The following IQCC variants were observed in gnomAD, a reference collection of about 807,000 sequenced individuals.
IQCC encodes IQ motif containing C.
Under a neutral mutation model 27.0 loss-of-function variants are expected in IQCC, and 23 were observed. The ratio of observed to expected loss-of-function variants is 0.85; its 90% CI spans 0.61 to 1.21. The LOEUF is 1.21. IQCC is among the 50% of genes most tolerant of loss of function. The pLI, the probability that IQCC is intolerant of heterozygous loss-of-function variation, is 0.00. For synonymous variants in IQCC, 220 were observed against 217.2 expected (o/e 1.01, Z -0.11); for missense variants, 552 against 562.3 (o/e 0.98, Z 0.19).
Position 32,206,220 on chromosome 1 carries a change from G to T in IQCC, c.109G>T (p.Val37Leu), listed in dbSNP as rs1375234665. Residue 37 changes from valine to leucine, a missense_variant, in exon 2 of 5, where the codon GTA (valine) becomes TTA (leucine). By Grantham distance (32) the Val-to-Leu change is conservative. Coordinates refer to ENST00000291358, the MANE Select transcript of IQCC (RefSeq NM_018134.3). ...QSLRAEYEAI[V>L]REVEGDLGTL... ...CCTGCGAGCTGAGTATGAGGCGATT[G>T]TACGAGAGGTCGAGGGCGACCTGGG... is the stretch of plus-strand genomic sequence containing the variant. The T allele has an allele frequency of 6.2e-7, 1 of 1,614,118 alleles. No homozygotes were observed. The highest frequency in any genetic ancestry group is 1.7e-5 in the Admixed American group (1 of 60,036).
rs558904316 is a variant in IQCC, at chr1:32,208,315, G to A, written c.*233G>A. ...TAGCTCAATCCAAATTTGTGGATAA[G>A]GGGCCGGGTGCAGTGGCTCACACCT... On this transcript the variant is annotated 3_prime_UTR_variant, in exon 5 of 5. Coordinates refer to ENST00000291358, the MANE Select transcript of IQCC (RefSeq NM_018134.3). The A allele has an allele frequency of 1.5e-4, 74 of 482,076 alleles. No individual in the cohort carries two copies. In the South Asian group the frequency reaches 2.7e-3, roughly 18 times the overall value. 29.9% of individuals were successfully genotyped at this position (482,076 alleles called of 1,614,324 possible).
In IQCC at chr1:32,207,420, T is replaced by G; in HGVS notation, c.739T>G (p.Ser247Ala). 1 of 1,613,800 alleles carries G rather than the reference T, an allele frequency of 6.2e-7. No homozygotes were observed. Among genetic ancestry groups the G allele is most frequent in the Non-Finnish European group, 8.5e-7 (1 of 1,179,964 alleles). The change falls in exon 5 of 5, where the codon TCC becomes GCC. Residue 247 changes from serine to alanine, a missense_variant. Physicochemically the swap from Ser to Ala is moderately conservative, Grantham distance 99 (BLOSUM62 1). Coordinates refer to ENST00000291358, the MANE Select transcript of IQCC (RefSeq NM_018134.3). ...TGGAGAGCTAGAACAGGAGGATGAC[T>G]CCTGTCACAGGGTCAAATCACCCCA... ...TTGELEQEDD[S>A]CHRVKSPHRS... is the part of the protein sequence containing the mutation.
rs890367343 is a variant in IQCC, at chr1:32,207,619, G to T, written c.938G>T (p.Cys313Phe). 6.2e-7 allele frequency: 1 copy of T among 1,613,808 alleles called. No homozygotes were observed. The highest frequency in any genetic ancestry group is 8.5e-7 in the Non-Finnish European group (1 of 1,180,004). The stretch of plus-strand genomic sequence containing the variant: ...GGAAGACAGACCTTTGGAGGGACCT[G>T]CCTGCTGCAGATGAAAATCCTGGAG... ...DDGRQTFGGT[C>F]LLQMKILEDQ... is the part of the protein sequence containing the mutation. Residue 313 changes from cysteine (C) to phenylalanine (F), a missense_variant, in exon 5 of 5, where the codon TGC becomes TTC. Physicochemically the swap from Cys to Phe is radical, Grantham distance 205 (BLOSUM62 -2). Coordinates refer to ENST00000291358, the MANE Select transcript of IQCC (RefSeq NM_018134.3).
At position 32,207,434 on chromosome 1, in the gene IQCC, CA is replaced by C; in HGVS notation, c.756del (p.Lys252AsnfsTer66). 1 of 1,613,874 alleles carries C rather than the reference CA, an allele frequency of 6.2e-7. No homozygotes were observed. Among genetic ancestry groups the C allele is most frequent in the Non-Finnish European group, 8.5e-7 (1 of 1,180,006 alleles). On this transcript the variant is annotated frameshift_variant, in exon 5 of 5. Transcript: ENST00000291358. LOFTEE classifies it low-confidence loss of function (END_TRUNC). ...AGGAGGATGACTCCTGTCACAGGGT[CA>C]AATCACCCCACAGATCCCCAGGAAG... ...EQEDDSCHRV[K>X]SPHRSPGSLA...
At position 32,207,875 on chromosome 1, in the gene IQCC, G is replaced by A; in HGVS notation, c.1194G>A (p.Trp398Ter). Residue 398 changes from tryptophan to a stop codon, truncating the protein, a stop_gained, in exon 5 of 5, where the codon TGG becomes TGA. Coordinates refer to ENST00000291358, the MANE Select transcript of IQCC (RefSeq NM_018134.3). LOFTEE classifies it low-confidence loss of function (END_TRUNC). ...CAGAGCATAGTGTCCTCGATCTCTGGAGGACTAAACCACCCAAAGGCCAGG... is the reference window on the plus strand; with the variant it reads ...CAGAGCATAGTGTCCTCGATCTCTGAAGGACTAAACCACCCAAAGGCCAGG... The part of the protein sequence containing the change: ...GGPEHSVLDL[W>*]RTKPPKGQAP... 1 of 1,614,126 alleles carries A rather than the reference G, an allele frequency of 6.2e-7. No individual in the cohort carries two copies. The highest frequency in any genetic ancestry group is 8.5e-7 in the Non-Finnish European group (1 of 1,180,028).
chr1:32,206,124 G>A (rs1643325238), intron 1 of IQCC, 30 bp from the exon 2 acceptor site: 1 of 1,612,698 alleles, frequency 6.2e-7, no homozygotes, highest in Non-Finnish European at 8.5e-7. Context: ...CCGTGATAAG[G>A]GACTTCTTTC....
chr1:32,206,546 G>A lies in IQCC; in HGVS notation c.224G>A (p.Arg75Lys), dbSNP rs141782543. ...CATCAGACCTGGAAAGCAGGAGACAGGGTAGCAAATCCAGAGCAGGGGCTG... is the reference window on the plus strand; with the variant it reads ...CATCAGACCTGGAAAGCAGGAGACAAGGTAGCAAATCCAGAGCAGGGGCTG... ...KSHQTWKAGD[R>K]VANPEQGLWN... The change falls in exon 3 of 5, where the codon AGG becomes AAG. Residue 75 changes from arginine to lysine, a missense_variant. By Grantham distance (26) the Arg-to-Lys change is conservative. Transcript: ENST00000291358. 6.2e-7 allele frequency: 1 copy of A among 1,614,210 alleles called. No homozygotes were observed. The highest frequency in any genetic ancestry group is 1.3e-5 in the African/African-American group (1 of 75,064).
Position 32,208,230 on chromosome 1 carries a change from A to C in IQCC, c.*148A>C. 1 of 803,000 alleles carries C rather than the reference A, an allele frequency of 1.2e-6. No individual in the cohort carries two copies. The highest frequency in any genetic ancestry group is 2.7e-5 in the East Asian group (1 of 37,204). The allele number at this position is 803,000 out of a possible 1,614,324, so 49.7% of individuals were successfully genotyped here. ...GACTAGTGGGGCCAAGAGAAGCTGG[A>C]GCAGAGAGCTGGCATGAGTATAGGG... On this transcript the variant is annotated 3_prime_UTR_variant, in exon 5 of 5. Transcript: ENST00000291358.
rs1557525838 is a variant in IQCC at position 32,208,072 on chromosome 1, CACCTGGCTAG to C, written c.1395_*3del. ...AGGGGCAGGCCATGGAAAACAGAAC[CACCTGGCTAG>C]ACCCTAGGAAGCCAGGAGAGGATCA... On this transcript the variant is annotated frameshift_variant and stop_lost, in exon 5 of 5. Coordinates refer to ENST00000291358, the MANE Select transcript of IQCC (RefSeq NM_018134.3). LOFTEE classifies it high-confidence loss of function. The C allele has an allele frequency of 2.0e-5, 32 of 1,609,016 alleles. No individual in the cohort carries two copies. The highest frequency in any genetic ancestry group is 2.6e-5 in the Non-Finnish European group (31 of 1,177,478).
Position 32,207,113 on chromosome 1 carries a change from G to GT in IQCC, c.552dup (p.Lys185Ter), listed in dbSNP as rs769287563. ...TGGCTGCAACAGGCCATCAATAGCCGTAAGGAGGTAACACTAACCTGGAAC... is the reference window on the plus strand; with the variant it reads ...TGGCTGCAACAGGCCATCAATAGCCGTTAAGGAGGTAACACTAACCTGGAAC... On this transcript the variant is annotated frameshift_variant, in exon 4 of 5. Coordinates refer to ENST00000291358, the MANE Select transcript of IQCC (RefSeq NM_018134.3). LOFTEE classifies it low-confidence loss of function (END_TRUNC). 1.2e-6 allele frequency: 2 copies of GT among 1,606,606 alleles called. No homozygotes were observed. The highest frequency in any genetic ancestry group is 2.2e-5 in the South Asian group (2 of 90,262).
Position 32,208,320 on chromosome 1 carries a change from C to T in IQCC, c.*238C>T, listed in dbSNP as rs1034759437. The T allele has an allele frequency of 1.1e-5, 5 of 464,690 alleles. No homozygotes were observed. The highest frequency in any genetic ancestry group is 3.9e-5 in the South Asian group (1 of 25,492). 28.8% of individuals were successfully genotyped at this position (464,690 alleles called of 1,614,324 possible). A position where few individuals can be genotyped will look rare whatever the true frequency, so the allele number is the denominator to read the frequency against. On this transcript the variant is annotated 3_prime_UTR_variant, in exon 5 of 5. Coordinates refer to ENST00000291358, the MANE Select transcript of IQCC (RefSeq NM_018134.3). The stretch of plus-strand genomic sequence containing the variant: ...CAATCCAAATTTGTGGATAAGGGGC[C>T]GGGTGCAGTGGCTCACACCTGTAAT...
At position 32,205,795 on chromosome 1, in the gene IQCC, C is replaced by T. The variant is rs1229345776; in HGVS notation, c.42+72C>T. ...TCATGGGGTCTCGTACCTGGACCTC[C>T]CAGCGAGATGCTACCACGTTCAGTC... On this transcript the variant is annotated intron_variant, in intron 1 of 4. Transcript: ENST00000291358. The surrounding 1 kb of genome is among the most constrained non-coding windows in gnomAD (Gnocchi z 5.6). 6 of 1,587,162 alleles carry T rather than the reference C, an allele frequency of 3.8e-6. No individual in the cohort carries two copies. The highest frequency in any genetic ancestry group is 2.7e-5 in the African/African-American group (2 of 74,716).
In IQCC at chr1:32,207,751, G is replaced by A; in HGVS notation, c.1070G>A (p.Arg357Lys). ...TCAAATATTAAGGAGATGTCTCCCA[G>A]AAAACTAGACCACAAAGAGCCTGAC... The part of the protein sequence containing the change: ...EDSNIKEMSP[R>K]KLDHKEPDCR... Residue 357 changes from arginine to lysine, a missense_variant, in exon 5 of 5, where the codon AGA becomes AAA. Coordinates refer to ENST00000291358, the MANE Select transcript of IQCC (RefSeq NM_018134.3). The A allele has an allele frequency of 6.2e-7, 1 of 1,613,942 alleles. No individual in the cohort carries two copies. Among genetic ancestry groups the A allele is most frequent in the East Asian group, 2.2e-5 (1 of 44,886 alleles).
Position 32,206,723 on chromosome 1 carries a change from AAGAGAAGACCAG to A in IQCC, c.405_416del (p.Glu135_Arg138del). On this transcript the variant is annotated inframe_deletion, in exon 3 of 5. Transcript: ENST00000291358. ...ATGAAGCAGAACAGGAAACCCAGCC[AAGAGAAGACCAG>A]AGACACGACAAGGATGGAGAATCCA... 1 of 1,614,216 alleles carries A rather than the reference AAGAGAAGACCAG, an allele frequency of 6.2e-7. No homozygotes were observed.
rs1643306382 is a variant in IQCC at position 32,205,727 on chromosome 1, C to CG, written c.42+9dup. 3 of 1,611,680 alleles carry CG rather than the reference C, an allele frequency of 1.9e-6. No homozygotes were observed. The African/African-American group carries it at 4.0e-5, about 22-fold the overall frequency. On this transcript the variant is annotated splice_donor_region_variant and intron_variant, in intron 1 of 4. Transcript: ENST00000291358. This position sits in a 1 kb window ranked among gnomAD's most constrained non-coding sequence, Gnocchi z 5.6. ...TCGGAAGGTGTCTGCATTGCAGGTG[C>CG]GGGGGCGGGCGCGGGGTTCACAGGA...
rs1384817739 is a variant in IQCC, at chr1:32,207,014, A to C, written c.452A>C (p.Gln151Pro). ...CCCTCCTTCACAGAAGCCACAGATC[A>C]AAGACTGCCCCACAGCCAACCTCAG... ...TRMENPEATD[Q>P]RLPHSQPQLQ... Residue 151 changes from glutamine to proline, a missense_variant, in exon 4 of 5, where the codon CAA becomes CCA. By Grantham distance (76) the Gln-to-Pro change is moderately conservative. Transcript: ENST00000291358. 6.2e-7 allele frequency: 1 copy of C among 1,611,854 alleles called. No homozygotes were observed. Among genetic ancestry groups the C allele is most frequent in the Non-Finnish European group, 8.5e-7 (1 of 1,178,854 alleles).
chr1:32,207,770 G>T lies in IQCC; in HGVS notation c.1089G>T (p.Glu363Asp), dbSNP rs769081655. ...EMSPRKLDHK[E>D]PDCRTVRTQE... ...CTCCCAGAAAACTAGACCACAAAGA[G>T]CCTGACTGCCGAACAGTCAGGACAC... Residue 363 changes from glutamate (E) to aspartate (D), a missense_variant, in exon 5 of 5, where the codon GAG becomes GAT. Physicochemically the swap from Glu to Asp is conservative, Grantham distance 45 (BLOSUM62 2). Transcript: ENST00000291358. The T allele has an allele frequency of 1.2e-6, 2 of 1,613,946 alleles. No homozygotes were observed. The highest frequency in any genetic ancestry group is 1.1e-5 in the South Asian group (1 of 91,086).
In IQCC at chr1:32,206,865, C is replaced by G. The variant is rs111262685; in HGVS notation, c.439+104C>G. 4.1e-6 allele frequency: 6 copies of G among 1,473,808 alleles called. No homozygotes were observed. The African/African-American group carries it at 8.4e-5, about 21-fold the overall frequency. 91.3% of individuals were successfully genotyped at this position (1,473,808 alleles called of 1,614,324 possible). ...CGCTAGATAAGCTGCATCCCTTTCC[C>G]GTCTTCCCTCTGCCGGGATAGGGCC... is the stretch of plus-strand genomic sequence containing the variant. On this transcript the variant is annotated intron_variant, in intron 3 of 4. Transcript: ENST00000291358.
chr1:32,206,852 T>C, intron 3 of IQCC, 91 bp downstream of exon 3: 1 of 1,507,572 alleles, frequency 6.6e-7, no homozygotes, highest in Non-Finnish European at 9.1e-7. Flanking sequence ...CTAGATAAGC[T>C]GCATCCCTTT....
Sources: allele counts gnomAD v4.1 joint callset, GRCh38; gene constraint gnomAD v4.1.1; non-coding constraint Gnocchi (gnomAD v3.1); transcripts MANE v1.5; gene names NCBI Gene and HGNC (gene_info 2026-07-23, HGNC 2026-07-21).